The following ACOT12 variants were observed in gnomAD, a reference collection of about 807,000 sequenced individuals.
The protein encoded by ACOT12 is acetyl-coenzyme A thioesterase.
ACOT12 carries 51 observed loss-of-function variants against 67.7 expected under a neutral mutation model. The observed-to-expected ratio is 0.75, with a 90% CI of 0.60 to 0.95. The LOEUF (loss-of-function observed/expected upper bound fraction) is 0.95. Ranked by LOEUF, ACOT12 falls within the 40% of genes least tolerant of loss-of-function variation. The probability of loss-of-function intolerance (pLI) is 0.00; values close to 1 mark genes in which losing one functional copy is unlikely to be tolerated. For synonymous variants in ACOT12, 251 were observed against 244.6 expected, an observed-to-expected ratio of 1.03 and a Z score of -0.24; for missense variants, 734 against 708.1, an observed-to-expected ratio of 1.04 and a Z score of -0.41.
the ACOT12 span, among the ~76,000 whole-genome samples, chr5:81,322,468 C>CAAAA: frequency 0.078 from 11,441 of 146,532 alleles, 529 homozygotes; most frequent in Middle Eastern, 0.16. Context: ...AAAAAATAAA[C>CAAAA]AAAAAAAAAA....
chr5:81,316,999 G>A, the ACOT12 span, among the ~76,000 whole-genome samples: 7 of 152,044 alleles, frequency 4.6e-5, no homozygotes, highest in Non-Finnish European at 1.0e-4. Flanking sequence ...TCATTCTGTG[G>A]TTTGTCTTTT....
At chr5:81,342,198 C>T (rs1052783612) in intron 11 of ACOT12, among the ~76,000 whole-genome samples, 1 of 152,160 alleles carries the variant, frequency 6.6e-6, no homozygotes, top group Non-Finnish European at 1.5e-5. Flanking sequence ...ATTGTTTTGC[C>T]TGGGCTGGTA....
chr5:81,341,126 GA>G (rs1759179887), intron 11 of ACOT12, among the ~76,000 whole-genome samples: 1 of 152,188 alleles, frequency 6.6e-6, no homozygotes, highest in Admixed American at 6.5e-5. Context: ...TGCCAGCAAT[GA>G]TGAAAGAAGT....
At chr5:81,326,158 G>A (rs1021561886), downstream of ACOT12, among the ~76,000 whole-genome samples, 3 of 116,406 alleles carry the variant, frequency 2.6e-5, no homozygotes, top group Non-Finnish European at 1.6e-5. Context: ...TCGAAGTCTC[G>A]CCCTGTTGCC....
chr5:81,310,157 T>TAAAAA, the ACOT12 span, among the ~76,000 whole-genome samples: 12 of 104,774 alleles, frequency 1.1e-4, 2 homozygotes, highest in African/African-American at 4.9e-4. Flanking sequence ...TGACTAGCTG[T>TAAAAA]AAAAAAAAAA....
At position 81,330,929 on chromosome 5, in the gene ACOT12, G is replaced by T. The variant is rs775247391; in HGVS notation, c.1403C>A (p.Thr468Lys). The T allele has an allele frequency of 1.1e-5, 18 of 1,598,682 alleles. No individual in the cohort carries two copies. The Admixed American group carries it at 3.2e-4, about 29-fold the overall frequency. Residue 468 changes from threonine (T) to lysine (K), a missense_variant, in exon 14 of 15, where the codon ACA (threonine) becomes AAA (lysine). Transcript: ENST00000307624. ...CAAAATGACCGACTTCACTGCCACTGTGTAAGTGTTACTGAAAGAAAACAC... is the reference window on the plus strand; with the variant it reads ...CAAAATGACCGACTTCACTGCCACTTTGTAAGTGTTACTGAAAGAAAACAC... ...RKPLKDGNTY[T>K]VAVKSVILPS...
the ACOT12 span, among the ~76,000 whole-genome samples, chr5:81,313,884 G>C: frequency 1.6e-3 from 248 of 152,288 alleles, no homozygotes; most frequent in African/African-American, 5.6e-3. Context: ...TTAAGGAAAT[G>C]AGTGCTATTT....
At chr5:81,347,615 A>G (rs561376943) in intron 6 of ACOT12, among the ~76,000 whole-genome samples, 159 bp downstream of exon 6, 15 of 152,350 alleles carry the variant, frequency 9.8e-5, no homozygotes, top group African/African-American at 3.6e-4. Context: ...GATTAATCCT[A>G]AAGTAAGAAA....
the ACOT12 span, among the ~76,000 whole-genome samples, chr5:81,319,481 G>A: frequency 1.1e-4 from 17 of 152,306 alleles, no homozygotes; most frequent in Admixed American, 1.0e-3. Context: ...ACTTTGGGAG[G>A]CCAAGGCGGG....
At chr5:81,315,389 C>T in the ACOT12 span, among the ~76,000 whole-genome samples, 2 of 152,152 alleles carry the variant, frequency 1.3e-5, no homozygotes, top group Non-Finnish European at 2.9e-5. Flanking sequence ...TATGACCATC[C>T]TTATAGGAAA....
chr5:81,350,561 T>C (rs1311908634), intron 5 of ACOT12, among the ~76,000 whole-genome samples: 1 of 152,220 alleles, frequency 6.6e-6, no homozygotes, highest in Non-Finnish European at 1.5e-5. Flanking sequence ...TGGATCTTTT[T>C]CTGTGGAAAT....
At chr5:81,368,152 C>T (rs921151663) in intron 3 of ACOT12, among the ~76,000 whole-genome samples, 11 of 151,988 alleles carry the variant, frequency 7.2e-5, no homozygotes, top group African/African-American at 2.2e-4. Flanking sequence ...ATTAGCTGGG[C>T]GTGGTGGTGC....
chr5:81,387,710 G>A (rs1209993280), intron 1 of ACOT12, among the ~76,000 whole-genome samples: 1 of 151,918 alleles, frequency 6.6e-6, no homozygotes, highest in Non-Finnish European at 1.5e-5. Context: ...TTAAAAAATT[G>A]TTTAAAATAT....
chr5:81,345,128 C>A, intron 7 of ACOT12, 87 bp from the exon 8 acceptor site: 1 of 937,006 alleles, frequency 1.1e-6, no homozygotes, highest in Non-Finnish European at 1.6e-6. Flanking sequence ...CCTCGCCCAC[C>A]GCTGCCACCT....
At chr5:81,315,232 T>A in the ACOT12 span, among the ~76,000 whole-genome samples, 1 of 152,128 alleles carries the variant, frequency 6.6e-6, no homozygotes, top group Non-Finnish European at 1.5e-5. Context: ...TACCTTTTTG[T>A]CTCTTTTTTC....
intron 1 of ACOT12, among the ~76,000 whole-genome samples, 154 bp downstream of exon 1, chr5:81,393,834 G>A (rs1760928014): frequency 6.6e-6 from 1 of 152,100 alleles, no homozygotes; most frequent in Admixed American, 6.5e-5. Context: ...CATGCCCAGC[G>A]CGGGCGCACT....
At chr5:81,347,244 A>G (rs981301365) in intron 6 of ACOT12, among the ~76,000 whole-genome samples, 15 of 152,208 alleles carry the variant, frequency 9.9e-5, no homozygotes, top group Admixed American at 3.3e-4. Flanking sequence ...CCGCCTCCCA[A>G]CTAGCCAGGA....
chr5:81,345,736 G>C (rs1759359029), intron 7 of ACOT12, 149 bp downstream of exon 7: 8 of 1,055,012 alleles, frequency 7.6e-6, no homozygotes, highest in South Asian at 6.4e-5. Flanking sequence ...CAGAACAAAG[G>C]GTTAAAAATA....
intron 2 of ACOT12, among the ~76,000 whole-genome samples, chr5:81,376,293 A>G (rs188565092): frequency 3.3e-4 from 50 of 152,212 alleles, no homozygotes; most frequent in Non-Finnish European, 6.2e-4. Flanking sequence ...GAAACCAATG[A>G]GAACAAAGAC....
Sources: gnomAD v4.1 joint callset for allele counts (sites outside exome capture counted in the v4.1 genomes callset) on GRCh38, gnomAD v4.1.1 for gene constraint, MANE v1.5 for transcripts, NCBI Gene and HGNC (gene_info 2026-07-23, HGNC 2026-07-21) for gene names.